The following LARGE1 variants were observed in gnomAD, a reference collection of about 807,000 sequenced individuals.
The protein encoded by LARGE1 is xylosyl- and glucuronyltransferase LARGE1.
A neutral mutation model predicts 87.6 loss-of-function variants in LARGE1; 43 were observed. The observed-to-expected ratio is 0.49, with a 90% CI of 0.38 to 0.63. The LOEUF (loss-of-function observed/expected upper bound fraction) is 0.63, where lower values mean the gene tolerates loss of function less well. Among genes scored for constraint, LARGE1 ranks in the 30% least tolerant of loss-of-function variants. LARGE1 has a pLI of 0.00. For missense variants in LARGE1, 802 were observed against 1,000.2 expected, an observed-to-expected ratio of 0.80 and a Z score of 2.67; for synonymous variants, 434 against 394.6, an observed-to-expected ratio of 1.10 and a Z score of -1.18.
intron 7 of LARGE1, among the ~76,000 whole-genome samples, chr22:33,404,949 G>T (rs1228893680): frequency 1.3e-5 from 2 of 152,196 alleles, no homozygotes; most frequent in African/African-American, 4.8e-5. Flanking sequence ...AGTCATCACG[G>T]CCACAAAAGA....
At chr22:33,545,450 A>ACACACACACACACACACAC (rs1569256476) in intron 6 of LARGE1, among the ~76,000 whole-genome samples, 2 of 132,698 alleles carry the variant, frequency 1.5e-5, no homozygotes, top group South Asian at 2.4e-4. Flanking sequence ...ACACACACAC[A>ACACACACACACACACACAC]ATTTCTTCTG....
chr22:33,549,540 A>C (rs1356918630), intron 6 of LARGE1, among the ~76,000 whole-genome samples: 1 of 152,188 alleles, frequency 6.6e-6, no homozygotes, highest in African/African-American at 2.4e-5. Context: ...GATCCAGGGG[A>C]ATGAATGAAT....
chr22:33,869,199 G>A (rs952931730), intron 1 of LARGE1, among the ~76,000 whole-genome samples: 1 of 152,012 alleles, frequency 6.6e-6, no homozygotes, highest in African/African-American at 2.4e-5. Flanking sequence ...GATTTCTACT[G>A]CATCCTCCTC....
intron 2 of LARGE1, among the ~76,000 whole-genome samples, chr22:33,739,517 T>C (rs2083796355): frequency 6.6e-6 from 1 of 152,234 alleles, no homozygotes; most frequent in Non-Finnish European, 1.5e-5. Context: ...AATTTCTATT[T>C]GAGGGAGTAT....
intron 2 of LARGE1, among the ~76,000 whole-genome samples, chr22:33,757,917 T>C (rs1411941996): frequency 1.1e-4 from 16 of 152,156 alleles, no homozygotes; most frequent in Non-Finnish European, 5.9e-5. Flanking sequence ...TTCTGATAAA[T>C]ACTCAGACTT....
At chr22:33,871,723 C>T (rs1303642360) in intron 1 of LARGE1, among the ~76,000 whole-genome samples, 1 of 152,028 alleles carries the variant, frequency 6.6e-6, no homozygotes, top group Non-Finnish European at 1.5e-5. Context: ...TTTTTTCTTT[C>T]TCTCTGCAAC....
chr22:33,367,754 T>A (rs1249484377), intron 9 of LARGE1, among the ~76,000 whole-genome samples: 2 of 152,178 alleles, frequency 1.3e-5, no homozygotes, highest in Non-Finnish European at 2.9e-5. Context: ...TATTAATATA[T>A]CATCTTGAGT....
intron 1 of LARGE1, among the ~76,000 whole-genome samples, chr22:33,802,979 G>A (rs985377799): frequency 2.0e-5 from 3 of 152,218 alleles, no homozygotes; most frequent in African/African-American, 7.2e-5. Flanking sequence ...TGAGTGGGTA[G>A]ACAGACAATT....
At chr22:33,534,745 C>T (rs752062736) in intron 6 of LARGE1, among the ~76,000 whole-genome samples, 2 of 152,194 alleles carry the variant, frequency 1.3e-5, no homozygotes, top group Non-Finnish European at 2.9e-5. Context: ...GAATCAACAA[C>T]ACAACCAGGT....
chr22:33,696,267 T>TTTC (rs1569380174), intron 2 of LARGE1, among the ~76,000 whole-genome samples: 36 of 124,734 alleles, frequency 2.9e-4, no homozygotes, highest in African/African-American at 9.2e-4. Flanking sequence ...TTCTTTCTTT[T>TTTC]TTTTTTTTTT....
At position 33,493,131 on chromosome 22, in the gene LARGE1, G is replaced by A. The variant is rs549038786; in HGVS notation, c.788-60866C>T. Reference sequence around the variant, plus strand: ...TGCTAAAACCATCTCTATCCAAATGGATAGCTCTACAAGCATGGTGGCCTT... The same window carrying A: ...TGCTAAAACCATCTCTATCCAAATGAATAGCTCTACAAGCATGGTGGCCTT... On this transcript the variant is annotated intron_variant, in intron 6 of 14. Coordinates refer to ENST00000397394, the MANE Select transcript of LARGE1 (RefSeq NM_133642.5). Among the ~76,000 whole-genome samples the A allele has an allele frequency of 5.3e-5, 8 of 150,192 alleles. 1 individual carries two copies. The South Asian group carries it at 1.7e-3, about 32-fold the overall frequency.
chr22:33,866,021 G>C (rs748197882), intron 1 of LARGE1, among the ~76,000 whole-genome samples: 2 of 151,224 alleles, frequency 1.3e-5, no homozygotes, highest in African/African-American at 4.9e-5. Flanking sequence ...GCTAATTTTT[G>C]TAATTTTAGT....
intron 2 of LARGE1, chr22:33,727,563 C>T (rs1213838143): frequency 6.6e-6 from 1 of 152,222 alleles, no homozygotes; most frequent in Non-Finnish European, 1.5e-5. Flanking sequence ...CTTCAATCCC[C>T]ACCAGGAATG....
intron 11 of LARGE1, among the ~76,000 whole-genome samples, chr22:33,199,858 C>CT (rs1178029224): frequency 1.8e-5 from 2 of 110,842 alleles, no homozygotes; most frequent in African/African-American, 3.5e-5. Context: ...TTTTTTTTTT[C>CT]TTTTTTTTTG....
chr22:33,430,622 T>C (rs1009254753), intron 7 of LARGE1, among the ~76,000 whole-genome samples: 2 of 152,218 alleles, frequency 1.3e-5, no homozygotes, highest in African/African-American at 4.8e-5. Context: ...GCATATCTAA[T>C]ACTCAGGCAA....
intron 9 of LARGE1, among the ~76,000 whole-genome samples, chr22:33,376,597 T>C (rs1231573419): frequency 6.6e-6 from 1 of 152,212 alleles, no homozygotes; most frequent in Admixed American, 6.5e-5. Context: ...ATCATAATGA[T>C]ATAACAAAGC....
intron 6 of LARGE1, among the ~76,000 whole-genome samples, chr22:33,540,570 C>T (rs1014326980): frequency 6.6e-6 from 1 of 152,236 alleles, no homozygotes; most frequent in African/African-American, 2.4e-5. Flanking sequence ...GGCAAAACAA[C>T]CAAGACACAG....
At chr22:33,588,510 C>CGTGTGTGT (rs10528247) in intron 5 of LARGE1, among the ~76,000 whole-genome samples, 22 of 150,570 alleles carry the variant, frequency 1.5e-4, no homozygotes, top group African/African-American at 4.9e-4. Context: ...TATATGTGTG[C>CGTGTGTGT]GTGTGTGTGT....
At chr22:33,901,555 T>C (rs1007147500) in intron 1 of LARGE1, among the ~76,000 whole-genome samples, 1 of 152,110 alleles carries the variant, frequency 6.6e-6, no homozygotes, top group Non-Finnish European at 1.5e-5. Flanking sequence ...CCTGCAGTCC[T>C]AGCTACTGGA....
Sources: allele counts gnomAD v4.1 joint callset (sites outside exome capture counted in the v4.1 genomes callset), GRCh38; gene constraint gnomAD v4.1.1; transcripts MANE v1.5; gene names NCBI Gene and HGNC (gene_info 2026-07-23, HGNC 2026-07-21).